HEPHL1: variants seen among roughly 807,000 people sequenced by gnomAD.
The protein encoded by HEPHL1 is ferroxidase HEPHL1.
A neutral mutation model predicts 122.0 loss-of-function variants in HEPHL1; 123 were observed. That is an observed-to-expected ratio of 1.01 (90% confidence interval 0.87 to 1.17). The LOEUF is 1.17. HEPHL1 is among the 50% of genes most tolerant of loss of function. The pLI, the probability that HEPHL1 is intolerant of heterozygous loss-of-function variation, is 0.00. For synonymous variants in HEPHL1, 527 were observed against 508.9 expected (o/e 1.04, Z -0.48); for missense variants, 1,452 against 1,430.5 (o/e 1.01, Z -0.24).
At chr11:94,090,154 C>T (rs1314954292) in intron 12 of HEPHL1, among the ~76,000 whole-genome samples, 2 of 151,786 alleles carry the variant, frequency 1.3e-5, no homozygotes, top group Non-Finnish European at 2.9e-5. Flanking sequence ...ATTTTAAATC[C>T]ATTCAATTAC....
At chr11:94,103,352 A>C (rs1946384572) in intron 15 of HEPHL1, among the ~76,000 whole-genome samples, 1 of 151,706 alleles carries the variant, frequency 6.6e-6, no homozygotes, top group Non-Finnish European at 1.5e-5. Context: ...CCAATGTTTC[A>C]ATTACCAAAT....
chr11:94,033,600 A>T (rs892147048), intron 1 of HEPHL1, among the ~76,000 whole-genome samples: 6 of 152,184 alleles, frequency 3.9e-5, no homozygotes, highest in Non-Finnish European at 7.4e-5. Context: ...GATTTGGTGC[A>T]CAAGATAAAA....
rs945167099 is a variant in HEPHL1, at chr11:94,110,416, C to T, written c.3046-487C>T. ...TGGAGCTGGAGGATCCACTTCCAAA[C>T]TTACTGATATGGTTGTTAACTAGAG... is the stretch of plus-strand genomic sequence containing the variant. On this transcript the variant is annotated intron_variant, in intron 17 of 19. Coordinates refer to ENST00000315765, the MANE Select transcript of HEPHL1 (RefSeq NM_001098672.2). 4.6e-5 allele frequency among the ~76,000 whole-genome samples: 7 copies of T among 152,176 alleles called. No homozygotes were observed. The South Asian group carries it at 1.0e-3, about 23-fold the overall frequency.
chr11:94,072,169 A>G (rs1350793667), intron 6 of HEPHL1, among the ~76,000 whole-genome samples: 1 of 152,164 alleles, frequency 6.6e-6, no homozygotes, highest in Non-Finnish European at 1.5e-5. Context: ...CATTATGACC[A>G]TTATGGCTTA....
intron 1 of HEPHL1, among the ~76,000 whole-genome samples, chr11:94,036,609 G>A (rs1945726940): frequency 6.6e-6 from 1 of 152,038 alleles, no homozygotes; most frequent in African/African-American, 2.4e-5. Context: ...GAACAAAACT[G>A]CATGAATTGG....
chr11:94,073,510 G>T, intron 8 of HEPHL1, 71 bp downstream of exon 8: 1 of 1,448,556 alleles, frequency 6.9e-7, no homozygotes, highest in Non-Finnish European at 9.4e-7. Flanking sequence ...AACAGTCCTG[G>T]TTCAAATCCT....
At chr11:94,054,382 T>C (rs909437507) in intron 2 of HEPHL1, among the ~76,000 whole-genome samples, 1 of 152,164 alleles carries the variant, frequency 6.6e-6, no homozygotes, top group African/African-American at 2.4e-5. Context: ...ATCCGGGTAT[T>C]AGGACCCTGG....
At chr11:94,032,357 T>C (rs1326115427) in intron 1 of HEPHL1, among the ~76,000 whole-genome samples, 1 of 152,204 alleles carries the variant, frequency 6.6e-6, no homozygotes, top group Non-Finnish European at 1.5e-5. Flanking sequence ...TGGCTTATGA[T>C]TTTATTACGT....
chr11:94,088,731 A>C (rs1432302246), intron 11 of HEPHL1, 24 bp from the exon 12 acceptor site: 1 of 1,586,608 alleles, frequency 6.3e-7, no homozygotes, highest in African/African-American at 1.3e-5. Flanking sequence ...CACCACACTC[A>C]ATGCCGAGCC....
intron 1 of HEPHL1, among the ~76,000 whole-genome samples, chr11:94,030,578 A>C (rs1357633548): frequency 2.0e-5 from 3 of 152,148 alleles, no homozygotes; most frequent in Non-Finnish European, 4.4e-5. Flanking sequence ...AATAAAGGGA[A>C]GAGAAGAGGA....
At chr11:94,074,439 A>C (rs2945641) in intron 8 of HEPHL1, among the ~76,000 whole-genome samples, 65,750 of 151,874 alleles carry the variant, frequency 0.43, 14,475 homozygotes, top group East Asian at 0.56. Flanking sequence ...AAAAAAATAA[A>C]AGAAAAAAAT....
rs755367459 is a variant in HEPHL1, at chr11:94,046,091, C to CTTTTTTTTTTTTTTTT, written c.415+180_415+195dup. Among the ~76,000 whole-genome samples, 541 of 65,050 alleles carry CTTTTTTTTTTTTTTTT rather than the reference C, an allele frequency of 8.3e-3. 122 individuals are homozygous for CTTTTTTTTTTTTTTTT. The highest frequency in any genetic ancestry group is 0.048 in the Middle Eastern group (2 of 42). 42.7% of individuals were successfully genotyped at this position (65,050 alleles called of 152,430 possible). On this transcript the variant is annotated intron_variant, in intron 2 of 19. Coordinates refer to ENST00000315765, the MANE Select transcript of HEPHL1 (RefSeq NM_001098672.2). ...TTCTGTCTCTCTCTTCCCTTTCTTG[C>CTTTTTTTTTTTTTTTT]TTTTTTTTTTTTTTTTTTTTTGAGA...
chr11:94,068,934 G>C (rs184526834), intron 5 of HEPHL1, among the ~76,000 whole-genome samples: 17 of 152,264 alleles, frequency 1.1e-4, no homozygotes, highest in African/African-American at 4.1e-4. Flanking sequence ...ACACATTCTT[G>C]TTCCTGTCCA....
intron 1 of HEPHL1, among the ~76,000 whole-genome samples, chr11:94,032,541 T>C (rs575506034): frequency 6.6e-6 from 1 of 152,308 alleles, no homozygotes; most frequent in East Asian, 1.9e-4. Flanking sequence ...TAAACCCCAT[T>C]TGTTAGCAGG....
At chr11:94,078,484 G>A (rs1171623645) in intron 9 of HEPHL1, among the ~76,000 whole-genome samples, 1 of 81,220 alleles carries the variant, frequency 1.2e-5, no homozygotes, top group Admixed American at 1.5e-4. Context: ...TATGGAGAAA[G>A]AGACACACAG....
intron 1 of HEPHL1, among the ~76,000 whole-genome samples, chr11:94,036,131 C>A (rs1945720268): frequency 6.6e-6 from 1 of 152,206 alleles, no homozygotes; most frequent in Non-Finnish European, 1.5e-5. Context: ...GGGCGTATTT[C>A]ATTAGGGTGA....
chr11:94,029,188 G>T (rs1009040690), intron 1 of HEPHL1, among the ~76,000 whole-genome samples: 5 of 152,080 alleles, frequency 3.3e-5, no homozygotes, highest in Non-Finnish European at 5.9e-5. Context: ...TCTTCCTAGG[G>T]CACCTTCATG....
chr11:94,053,218 G>A (rs1370130704), intron 2 of HEPHL1, among the ~76,000 whole-genome samples: 1 of 151,904 alleles, frequency 6.6e-6, no homozygotes, highest in African/African-American at 2.4e-5. Context: ...AGAAATTCGT[G>A]TGTTTCATCT....
intron 13 of HEPHL1, among the ~76,000 whole-genome samples, chr11:94,099,032 C>A (rs1312931595): frequency 6.6e-6 from 1 of 152,272 alleles, no homozygotes; most frequent in African/African-American, 2.4e-5. Context: ...CATTCTCCAT[C>A]CAGCTTTGTT....
Sources: gnomAD v4.1 joint callset for allele counts (sites outside exome capture counted in the v4.1 genomes callset) on GRCh38, gnomAD v4.1.1 for gene constraint, MANE v1.5 for transcripts, NCBI Gene and HGNC (gene_info 2026-07-23, HGNC 2026-07-21) for gene names.